Variants in CAMKK1 observed in about 807,000 individuals in gnomAD.
The protein encoded by CAMKK1 is calcium/calmodulin-dependent protein kinase kinase 1.
A neutral mutation model predicts 63.5 loss-of-function variants in CAMKK1; 20 were observed. That is an observed-to-expected ratio of 0.32 (90% CI 0.22 to 0.46). CAMKK1 has a LOEUF of 0.46. Among genes scored for constraint, CAMKK1 ranks in the 20% least tolerant of loss-of-function variants. The pLI is 1.00. For synonymous variants in CAMKK1, 253 were observed against 269.0 expected (o/e 0.94, Z 0.58); for missense variants, 588 against 658.1 (o/e 0.89, Z 1.17).
Position 3,862,159 on chromosome 17 carries a change from T to G in CAMKK1, c.*52A>C. 1 of 1,488,450 alleles carries G rather than the reference T, an allele frequency of 6.7e-7. No homozygotes were observed. Among genetic ancestry groups the G allele is most frequent in the South Asian group, 1.2e-5 (1 of 83,106 alleles). The allele number at this position is 1,488,450 out of a possible 1,614,324, so 92.2% of individuals were successfully genotyped here. A position where few individuals can be genotyped will look rare whatever the true frequency, so the allele number is the denominator to read the frequency against. On this transcript the variant is annotated 3_prime_UTR_variant, in exon 16 of 16. Coordinates refer to ENST00000348335, the MANE Select transcript of CAMKK1 (RefSeq NM_032294.3). The surrounding 1 kb of genome is among the most constrained non-coding windows in gnomAD (Gnocchi z 4.1). Reference sequence around the variant, plus strand: ...GGCTGTTGCATGAGGGGTGGGCCTCTGGAGGCGCGGGATGAGTGTGCTGCC... The same window carrying G: ...GGCTGTTGCATGAGGGGTGGGCCTCGGGAGGCGCGGGATGAGTGTGCTGCC...
chr17:3,863,201 T>C (rs903119285), intron 15 of CAMKK1, among the ~76,000 whole-genome samples: 3 of 151,974 alleles, frequency 2.0e-5, no homozygotes, highest in African/African-American at 7.2e-5. Flanking sequence ...TCCCAAAGTA[T>C]AAAAAACTCT....
intron 8 of CAMKK1, among the ~76,000 whole-genome samples, chr17:3,880,663 C>CT (rs1421897775): frequency 6.6e-6 from 1 of 152,092 alleles, no homozygotes; most frequent in Non-Finnish European, 1.5e-5. Flanking sequence ...CTTGATATTC[C>CT]TTCTTCTAAG....
intron 12 of CAMKK1, among the ~76,000 whole-genome samples, chr17:3,871,364 T>G (rs1378183768): frequency 1.0e-3 from 126 of 122,326 alleles, no homozygotes; most frequent in East Asian, 4.9e-3. Context: ...TTTTTTTTTT[T>G]TTTTTTTTGA....
At chr17:3,888,700 G>C (rs901658037) in intron 1 of CAMKK1, among the ~76,000 whole-genome samples, 1 of 152,250 alleles carries the variant, frequency 6.6e-6, no homozygotes, top group South Asian at 2.1e-4. Context: ...GAAGGCGGCC[G>C]CGAGGGCTGA....
chr17:3,876,127 A>C, intron 10 of CAMKK1, 96 bp downstream of exon 10: 1 of 1,194,532 alleles, frequency 8.4e-7, no homozygotes, highest in Non-Finnish European at 1.2e-6. Context: ...CCTAGACACA[A>C]AGACCCTGGC....
In CAMKK1 at chr17:3,871,326, GTTTTTTGTTTTTTTTTTTTTGTTTTTTTT is replaced by G. The variant is rs2054838386; in HGVS notation, c.1124+1199_1124+1227del. Reference sequence around the variant, plus strand: ...GTTTCATTTTCTTTTTTTGTTTGTTGTTTTTTGTTTTTTTTTTTTTGTTTTTTTTTTTTTTTTTTTTTTTTTGAGACAGA... The same window carrying G: ...GTTTCATTTTCTTTTTTTGTTTGTTGTTTTTTTTTTTTTTTTTGAGACAGA... On this transcript the variant is annotated intron_variant, in intron 12 of 15. Transcript: ENST00000348335. Among the ~76,000 whole-genome samples, 4 of 69,080 alleles carry G rather than the reference GTTTTTTGTTTTTTTTTTTTTGTTTTTTTT, an allele frequency of 5.8e-5. No homozygotes were observed. In the South Asian group the frequency reaches 1.8e-3, roughly 31 times the overall value. The allele number at this position is 69,080 out of a possible 152,430, so 45.3% of individuals were successfully genotyped here.
chr17:3,866,512 TCCGTGACAAGGACGGTTCCATG>T (rs2054531856), intron 14 of CAMKK1, among the ~76,000 whole-genome samples: 1 of 152,204 alleles, frequency 6.6e-6, no homozygotes, highest in Non-Finnish European at 1.5e-5. Context: ...TTGTCCCTCC[TCCGTGACAAGGACGGTTCCATG>T]CCGTGCCCAC....
rs759107100 is a variant in CAMKK1 at position 3,889,793 on chromosome 17, G to T, written c.-44+3146C>A. On this transcript the variant is annotated intron_variant, in intron 1 of 15. Coordinates refer to ENST00000348335, the MANE Select transcript of CAMKK1 (RefSeq NM_032294.3). This position sits in a 1 kb window ranked among gnomAD's most constrained non-coding sequence, Gnocchi z 5.2. ...CCACTCCCAAGGAATGTGGGCCCCC[G>T]GCTCCAGACGCCCACTTGGCCTGGC... is the stretch of plus-strand genomic sequence containing the variant. 6.6e-6 allele frequency among the ~76,000 whole-genome samples: 1 copy of T among 152,028 alleles called. No homozygotes were observed. The highest frequency in any genetic ancestry group is 1.5e-5 in the Non-Finnish European group (1 of 67,990).
chr17:3,885,782 C>G (rs1460410369), intron 1 of CAMKK1, 52 bp from the exon 2 acceptor site: 1 of 1,552,228 alleles, frequency 6.4e-7, no homozygotes, highest in Non-Finnish European at 8.7e-7. Context: ...GGCTGGCTAC[C>G]AGGTAAGGTA....
Position 3,869,827 on chromosome 17 carries a change from T to C in CAMKK1, c.1186A>G (p.Thr396Ala), listed in dbSNP as rs575780308. ...TTGATGTCTGGCACCCCAATTCTCGTCTCGGGATTCTTGTCTAACATCTTC... is the reference window on the plus strand; with the variant it reads ...TTGATGTCTGGCACCCCAATTCTCGCCTCGGGATTCTTGTCTAACATCTTC... ...ILKMLDKNPETRIGVPDIKLH... is the reference protein window; with the variant it reads ...ILKMLDKNPEARIGVPDIKLH... Residue 396 changes from threonine to alanine, a missense_variant, in exon 13 of 16, where the codon ACG becomes GCG. Transcript: ENST00000348335. 10 of 1,614,224 alleles carry C rather than the reference T, an allele frequency of 6.2e-6. No individual in the cohort carries two copies. In the East Asian group the frequency reaches 2.0e-4, roughly 32 times the overall value.
intron 14 of CAMKK1, among the ~76,000 whole-genome samples, chr17:3,867,951 T>A (rs145177304): frequency 6.7e-6 from 1 of 148,392 alleles, no homozygotes; most frequent in Non-Finnish European, 1.5e-5. Flanking sequence ...ACACAGGCAC[T>A]GTCTAATGGA....
At chr17:3,874,490 G>A (rs753103437) in intron 10 of CAMKK1, among the ~76,000 whole-genome samples, 1 of 152,128 alleles carries the variant, frequency 6.6e-6, no homozygotes, top group African/African-American at 2.4e-5. Context: ...TTCTGCCTCA[G>A]CCTCCCAAGT....
rs2055922938 is a variant in CAMKK1, at chr17:3,892,068, G to A, written c.-44+871C>T. Among the ~76,000 whole-genome samples, 1 of 151,598 alleles carries A rather than the reference G, an allele frequency of 6.6e-6. No homozygotes were observed. The highest frequency in any genetic ancestry group is 2.1e-4 in the South Asian group (1 of 4,832). On this transcript the variant is annotated intron_variant, in intron 1 of 15. Coordinates refer to ENST00000348335, the MANE Select transcript of CAMKK1 (RefSeq NM_032294.3). This position sits in a 1 kb window ranked among gnomAD's most constrained non-coding sequence, Gnocchi z 7.5. ...TTGGGGAGGCCAGCGCCACTTCCCT[G>A]GGATCCTCCAGCGCGCACAGGCTGT...
chr17:3,877,749 A>G (rs2143850117), intron 9 of CAMKK1, among the ~76,000 whole-genome samples: 1 of 152,242 alleles, frequency 6.6e-6, no homozygotes, highest in African/African-American at 2.4e-5. Context: ...ACAGAAGCTC[A>G]GGGGGGTGGA....
chr17:3,887,290 A>G lies in CAMKK1; in HGVS notation c.-43-1560T>C, dbSNP rs2055694662. On this transcript the variant is annotated intron_variant, in intron 1 of 15. Transcript: ENST00000348335. This position sits in a 1 kb window ranked among gnomAD's most constrained non-coding sequence, Gnocchi z 6.1. ...TAGACTGAGGGTAAGGGTGAGGTCC[A>G]GACCCCCTGTGCCCGGTACGCAGTG... Among the ~76,000 whole-genome samples, 1 of 152,206 alleles carries G rather than the reference A, an allele frequency of 6.6e-6. No individual in the cohort carries two copies. Among genetic ancestry groups the G allele is most frequent in the South Asian group, 2.1e-4 (1 of 4,828 alleles).
At chr17:3,891,457 T>TGAAG (rs1368884148) in intron 1 of CAMKK1, among the ~76,000 whole-genome samples, 1 of 152,088 alleles carries the variant, frequency 6.6e-6, no homozygotes, top group African/African-American at 2.4e-5. Flanking sequence ...AGCAGACACC[T>TGAAG]GAAGGAAGGA....
chr17:3,891,077 G>A (rs1567641410), intron 1 of CAMKK1, among the ~76,000 whole-genome samples: 2 of 151,184 alleles, frequency 1.3e-5, no homozygotes, highest in African/African-American at 4.9e-5. Context: ...ATGGATAGAG[G>A]AGCAGAAGTG....
At position 3,868,111 on chromosome 17, in the gene CAMKK1, C is replaced by A. The variant is rs866718807; in HGVS notation, c.1341+1376G>T. Among the ~76,000 whole-genome samples, 152 of 69,080 alleles carry A rather than the reference C, an allele frequency of 2.2e-3. 27 individuals are homozygous for A. Among genetic ancestry groups the A allele is most frequent in the Middle Eastern group, 7.7e-3 (1 of 130 alleles). The allele number at this position is 69,080 out of a possible 152,430, so 45.3% of individuals were successfully genotyped here. A position where few individuals can be genotyped will look rare whatever the true frequency, so the allele number is the denominator to read the frequency against. On this transcript the variant is annotated intron_variant, in intron 14 of 15. Transcript: ENST00000348335. ...TGGGCTCTGGGGGAGAAGCAGGCGCCGTCTAACTGATACGTGGGCTCTGGG... is the reference window on the plus strand; with the variant it reads ...TGGGCTCTGGGGGAGAAGCAGGCGCAGTCTAACTGATACGTGGGCTCTGGG...
rs139194875 is a variant in CAMKK1, at chr17:3,869,742, G to A, written c.1212+59C>T. 1,507 of 1,603,504 alleles carry A rather than the reference G, an allele frequency of 9.4e-4. 13 individuals carry two copies. In the African/African-American group the frequency reaches 0.017, roughly 18 times the overall value. On this transcript the variant is annotated intron_variant, in intron 13 of 15. Transcript: ENST00000348335. Reference sequence around the variant, plus strand: ...ATCCTGGTGTTGATCCCTCCAGAAAGGGAAAGTGACTCCTGTTTTCTGTGT... The same window carrying A: ...ATCCTGGTGTTGATCCCTCCAGAAAAGGAAAGTGACTCCTGTTTTCTGTGT...
Sources: allele counts gnomAD v4.1 joint callset (sites outside exome capture counted in the v4.1 genomes callset), GRCh38; gene constraint gnomAD v4.1.1; non-coding constraint Gnocchi (gnomAD v3.1); transcripts MANE v1.5; gene names NCBI Gene and HGNC (gene_info 2026-07-23, HGNC 2026-07-21).